Variants in ENOX1 observed in about 807,000 individuals in gnomAD.
The protein encoded by ENOX1 is candidate growth-related and time keeping constitutive hydroquinone (NADH) oxidase.
ENOX1 carries 42 observed loss-of-function variants against 82.5 expected under a neutral mutation model. The observed-to-expected ratio is 0.51, with a 90% CI of 0.40 to 0.66. The LOEUF (loss-of-function observed/expected upper bound fraction) is 0.66, where lower values mean the gene tolerates loss of function less well. ENOX1 is among the 30% of genes least tolerant of loss of function. ENOX1 has a pLI of 0.00. For missense variants in ENOX1, 608 were observed against 811.6 expected, an observed-to-expected ratio of 0.75 and a Z score of 3.05; for synonymous variants, 271 against 282.2, an observed-to-expected ratio of 0.96 and a Z score of 0.40.
intron 5 of ENOX1, among the ~76,000 whole-genome samples, chr13:43,369,258 T>C (rs2051055404): frequency 6.6e-6 from 1 of 152,182 alleles, no homozygotes; most frequent in African/African-American, 2.4e-5. Context: ...AGTCCTTCCA[T>C]GAACTAAAAT....
chr13:43,369,924 C>T (rs555067084), intron 5 of ENOX1, among the ~76,000 whole-genome samples: 2 of 152,356 alleles, frequency 1.3e-5, no homozygotes, highest in East Asian at 3.9e-4. Flanking sequence ...GGAGCATGTC[C>T]TCCTCCACTT....
chr13:43,431,982 C>T (rs2055700182), intron 3 of ENOX1, among the ~76,000 whole-genome samples: 1 of 152,128 alleles, frequency 6.6e-6, no homozygotes, highest in African/African-American at 2.4e-5. Flanking sequence ...CCTTATACCC[C>T]AGAGCTTAAA....
At chr13:43,460,775 CAG>C (rs1461770573) in intron 3 of ENOX1, among the ~76,000 whole-genome samples, 21 of 128,484 alleles carry the variant, frequency 1.6e-4, no homozygotes, top group South Asian at 5.0e-4. Flanking sequence ...GCCCGGGCGA[CAG>C]AGCGAGACTC....
chr13:43,285,745 G>C (rs2045656343), intron 12 of ENOX1, among the ~76,000 whole-genome samples: 1 of 150,110 alleles, frequency 6.7e-6, no homozygotes, highest in African/African-American at 2.5e-5. Context: ...GGTAGGCAGA[G>C]GCTGCACTGA....
chr13:43,586,684 G>C (rs960850698), intron 2 of ENOX1, among the ~76,000 whole-genome samples: 2 of 152,130 alleles, frequency 1.3e-5, no homozygotes, highest in African/African-American at 2.4e-5. Context: ...TTTGGCTTTG[G>C]AATTACTTTC....
At chr13:43,658,211 C>T (rs1466389697) in intron 2 of ENOX1, among the ~76,000 whole-genome samples, 1 of 152,138 alleles carries the variant, frequency 6.6e-6, no homozygotes, top group African/African-American at 2.4e-5. Flanking sequence ...TTTATATCTA[C>T]TTAATATTCT....
chr13:43,743,083 C>G (rs1250275495), intron 1 of ENOX1, among the ~76,000 whole-genome samples: 12 of 152,070 alleles, frequency 7.9e-5, no homozygotes, highest in Admixed American at 7.9e-4. Context: ...GCCTTGAGGG[C>G]TTTATTAGGG....
At position 43,318,236 on chromosome 13, in the gene ENOX1, A is replaced by G. The variant is rs551603561; in HGVS notation, c.1261+4148T>C. Among the ~76,000 whole-genome samples the G allele has an allele frequency of 3.9e-5, 6 of 152,350 alleles. No homozygotes were observed. In the East Asian group the frequency reaches 1.2e-3, roughly 29 times the overall value. On this transcript the variant is annotated intron_variant, in intron 11 of 16. Transcript: ENST00000690772. ...TTTACTCTTCTAACATTTGTGTTCAAAGTACACTCATCAAATATTGGGTGA... is the reference window on the plus strand; with the variant it reads ...TTTACTCTTCTAACATTTGTGTTCAGAGTACACTCATCAAATATTGGGTGA...
At chr13:43,719,846 T>G (rs1318246639) in intron 1 of ENOX1, among the ~76,000 whole-genome samples, 1 of 152,156 alleles carries the variant, frequency 6.6e-6, no homozygotes, top group Admixed American at 6.5e-5. Flanking sequence ...AATTCTGACC[T>G]TCTGTTTAAG....
chr13:43,339,611 C>G (rs2048939542), intron 9 of ENOX1, among the ~76,000 whole-genome samples: 1 of 152,202 alleles, frequency 6.6e-6, no homozygotes, highest in Non-Finnish European at 1.5e-5. Flanking sequence ...AATTTCCCAA[C>G]ATGCTTGGCT....
At chr13:43,322,578 C>T (rs953415482) in intron 10 of ENOX1, 77 bp from the exon 11 acceptor site, 5 of 1,139,862 alleles carry the variant, frequency 4.4e-6, no homozygotes, top group Non-Finnish European at 6.4e-6. Context: ...GTATATATGA[C>T]TGGCATATTA....
At chr13:43,635,030 G>A (rs966416941) in intron 2 of ENOX1, among the ~76,000 whole-genome samples, 4 of 152,152 alleles carry the variant, frequency 2.6e-5, no homozygotes, top group Admixed American at 6.5e-5. Context: ...ACAGGGGAAC[G>A]TTTCTATGGC....
At chr13:43,401,342 C>A (rs961873036) in intron 5 of ENOX1, among the ~76,000 whole-genome samples, 3 of 152,162 alleles carry the variant, frequency 2.0e-5, no homozygotes, top group Non-Finnish European at 4.4e-5. Flanking sequence ...TTTTCAGATA[C>A]TGTACAACAA....
intron 2 of ENOX1, among the ~76,000 whole-genome samples, chr13:43,578,234 A>G (rs557979965): frequency 1.3e-5 from 2 of 152,328 alleles, no homozygotes; most frequent in South Asian, 4.1e-4. Flanking sequence ...ATGACAGTGG[A>G]TAGGGCCACT....
intron 10 of ENOX1, among the ~76,000 whole-genome samples, chr13:43,323,993 G>T (rs150613371): frequency 6.6e-6 from 1 of 152,216 alleles, no homozygotes; most frequent in Non-Finnish European, 1.5e-5. Context: ...GGTCCGAGGT[G>T]GGGTGCAGGG....
intron 14 of ENOX1, among the ~76,000 whole-genome samples, chr13:43,254,531 C>G (rs1266016920): frequency 1.3e-5 from 2 of 152,026 alleles, no homozygotes; most frequent in Non-Finnish European, 2.9e-5. Flanking sequence ...CAAAAGCTTC[C>G]CTATTTATAA....
chr13:43,764,455 T>C (rs1160156623), intron 1 of ENOX1, among the ~76,000 whole-genome samples: 1 of 152,166 alleles, frequency 6.6e-6, no homozygotes, highest in Non-Finnish European at 1.5e-5. Flanking sequence ...TTATTTCAAA[T>C]CATGAAAAGA....
chr13:43,322,321 C>A, intron 11 of ENOX1, 63 bp downstream of exon 11: 2 of 1,276,810 alleles, frequency 1.6e-6, no homozygotes, highest in South Asian at 1.3e-5. Context: ...TTACTTATTC[C>A]CCATCTGAGA....
chr13:43,617,025 CAG>C (rs1566644719), intron 2 of ENOX1, among the ~76,000 whole-genome samples: 1 of 152,052 alleles, frequency 6.6e-6, no homozygotes, highest in Non-Finnish European at 1.5e-5. Flanking sequence ...AAGATGTTAA[CAG>C]TGTGGTTTTG....
Sources: allele counts gnomAD v4.1 joint callset (sites outside exome capture counted in the v4.1 genomes callset), GRCh38; gene constraint gnomAD v4.1.1; transcripts MANE v1.5; gene names NCBI Gene and HGNC (gene_info 2026-07-23, HGNC 2026-07-21).